SOX5: variants seen among roughly 807,000 people sequenced by gnomAD.
SOX5 encodes SRY-box transcription factor 5, also known as transcription factor SOX-5.
SOX5 carries 9 observed loss-of-function variants against 92.0 expected under a neutral mutation model. The observed-to-expected ratio is 0.10, with a 90% CI of 0.06 to 0.17. The LOEUF is 0.17. SOX5 is among the 10% of genes least tolerant of loss of function. The probability of loss-of-function intolerance (pLI) is 1.00; values close to 1 mark genes in which losing one functional copy is unlikely to be tolerated. For synonymous variants in SOX5, 344 were observed against 336.3 expected (o/e 1.02, Z -0.25); for missense variants, 642 against 944.5 (o/e 0.68, Z 4.20).
chr12:23,625,639 T>C (rs2077674370), intron 8 of SOX5, among the ~76,000 whole-genome samples: 2 of 152,200 alleles, frequency 1.3e-5, no homozygotes, highest in Admixed American at 1.3e-4. Flanking sequence ...AGACTAAGTC[T>C]CGCTCCGTTG....
intron 3 of SOX5, among the ~76,000 whole-genome samples, chr12:24,238,197 G>A (rs1458847456): frequency 6.6e-6 from 1 of 152,158 alleles, no homozygotes; most frequent in Non-Finnish European, 1.5e-5. Flanking sequence ...AAGGATTACA[G>A]ATGAAGACCC....
intron 10 of SOX5, among the ~76,000 whole-genome samples, chr12:23,570,931 ATATATAT>A (rs1445373494): frequency 6.5e-3 from 109 of 16,716 alleles, no homozygotes; most frequent in Admixed American, 0.011. Context: ...AAAAAAAAAA[ATATATAT>A]ATATATATAT....
At chr12:24,549,210 T>C (rs986551292) in intron 1 of SOX5, among the ~76,000 whole-genome samples, 3 of 152,218 alleles carry the variant, frequency 2.0e-5, no homozygotes, top group Non-Finnish European at 4.4e-5. Flanking sequence ...ATATGCTGTA[T>C]AATCTTCTGT....
intron 11 of SOX5, among the ~76,000 whole-genome samples, chr12:23,548,927 G>A (rs923373414): frequency 6.6e-6 from 1 of 151,898 alleles, no homozygotes; most frequent in African/African-American, 2.4e-5. Context: ...TCAGCCAAAT[G>A]TTATAAAGCA....
intron 1 of SOX5, among the ~76,000 whole-genome samples, chr12:24,430,172 T>C (rs932334450): frequency 6.6e-6 from 1 of 152,166 alleles, no homozygotes; most frequent in African/African-American, 2.4e-5. Flanking sequence ...GATGCTTCCT[T>C]AAAGAAAGCC....
intron 6 of SOX5, among the ~76,000 whole-genome samples, chr12:23,713,754 T>A (rs1327741521): frequency 1.4e-5 from 2 of 147,028 alleles, no homozygotes; most frequent in East Asian, 3.9e-4. Flanking sequence ...TATATGCGTG[T>A]GTGTATATAT....
intron 1 of SOX5, among the ~76,000 whole-genome samples, chr12:23,925,516 T>C (rs756350743): frequency 9.9e-5 from 15 of 152,168 alleles, no homozygotes; most frequent in Non-Finnish European, 1.9e-4. Context: ...CTTTGAAAAC[T>C]CCATCACAAG....
chr12:23,791,101 T>C (rs1265445665), intron 3 of SOX5, among the ~76,000 whole-genome samples: 1 of 152,184 alleles, frequency 6.6e-6, no homozygotes, highest in African/African-American at 2.4e-5. Flanking sequence ...TAATGAAGAC[T>C]TGTTAATTAC....
At position 23,595,872 on chromosome 12, in the gene SOX5, G is replaced by A. The variant is rs192550965; in HGVS notation, c.1164+8515C>T. ...CTAAAAGCCTAGGCCTCACCACTAAGCAATATATCCTTGTAACACAACTGT... is the reference window on the plus strand; with the variant it reads ...CTAAAAGCCTAGGCCTCACCACTAAACAATATATCCTTGTAACACAACTGT... On this transcript the variant is annotated intron_variant, in intron 9 of 14. Coordinates refer to ENST00000451604, the MANE Select transcript of SOX5 (RefSeq NM_006940.6). Among the ~76,000 whole-genome samples, 186 of 152,144 alleles carry A rather than the reference G, an allele frequency of 1.2e-3. 1 individual carries two copies. Among genetic ancestry groups the A allele is most frequent in the African/African-American group, 4.2e-3 (176 of 41,514 alleles).
chr12:24,517,259 G>C (rs773418467), intron 1 of SOX5, among the ~76,000 whole-genome samples: 4 of 152,122 alleles, frequency 2.6e-5, no homozygotes, highest in African/African-American at 7.2e-5. Context: ...ATTCTGAATA[G>C]CTTGTAAAAA....
chr12:23,973,639 C>T (rs938430348), intron 4 of SOX5, among the ~76,000 whole-genome samples: 1 of 152,160 alleles, frequency 6.6e-6, no homozygotes, highest in Non-Finnish European at 1.5e-5. Flanking sequence ...TGGTGGATGC[C>T]TGAAACGTCT....
chr12:24,414,291 G>A (rs1031252134), intron 1 of SOX5, among the ~76,000 whole-genome samples: 1 of 151,892 alleles, frequency 6.6e-6, no homozygotes, highest in Admixed American at 6.6e-5. Context: ...ATTTTGCTTT[G>A]GTTAAATGTC....
intron 9 of SOX5, among the ~76,000 whole-genome samples, chr12:23,590,489 CCTT>C (rs1951378118): frequency 6.6e-6 from 1 of 151,956 alleles, no homozygotes; most frequent in Admixed American, 6.6e-5. Context: ...CCTTCAAAAA[CCTT>C]CTAAATGTCA....
At chr12:23,669,729 A>G (rs1202111944) in intron 6 of SOX5, among the ~76,000 whole-genome samples, 2 of 152,186 alleles carry the variant, frequency 1.3e-5, no homozygotes, top group Non-Finnish European at 2.9e-5. Flanking sequence ...GATAATGTTT[A>G]CTTGATGTCA....
chr12:24,142,383 A>G (rs1424267133), intron 4 of SOX5, among the ~76,000 whole-genome samples: 2 of 152,194 alleles, frequency 1.3e-5, no homozygotes, highest in Non-Finnish European at 2.9e-5. Flanking sequence ...CTTCAAAGAG[A>G]CACAAAATTC....
intron 2 of SOX5, among the ~76,000 whole-genome samples, chr12:24,358,611 CAA>C (rs11410265): frequency 2.1e-5 from 3 of 140,416 alleles, no homozygotes; most frequent in Non-Finnish European, 3.1e-5. Flanking sequence ...GACTCCATCT[CAA>C]AAAAAAAAAA....
chr12:24,499,979 A>G (rs757809720), intron 1 of SOX5, among the ~76,000 whole-genome samples: 2 of 152,132 alleles, frequency 1.3e-5, no homozygotes, highest in African/African-American at 2.4e-5. Flanking sequence ...CTCTTTGGAA[A>G]TGTGTCTCTG....
chr12:24,510,014 A>T (rs1363381765), intron 1 of SOX5, among the ~76,000 whole-genome samples: 5 of 152,248 alleles, frequency 3.3e-5, no homozygotes, highest in African/African-American at 1.2e-4. Context: ...CTTAATCTGT[A>T]TTAAGGGCTT....
chr12:23,910,920 C>T (rs2097344992), intron 1 of SOX5, among the ~76,000 whole-genome samples: 1 of 152,128 alleles, frequency 6.6e-6, no homozygotes, highest in South Asian at 2.1e-4. Context: ...CTCTTCACAA[C>T]ATTCGCAGCT....
Sources: allele counts gnomAD v4.1 joint callset (sites outside exome capture counted in the v4.1 genomes callset), GRCh38; gene constraint gnomAD v4.1.1; transcripts MANE v1.5; gene names NCBI Gene and HGNC (gene_info 2026-07-23, HGNC 2026-07-21).